Variants in ABCC4 observed in about 807,000 individuals in gnomAD.
ABCC4 encodes the protein ATP-binding cassette sub-family C member 4.
Under a neutral mutation model 168.5 loss-of-function variants are expected in ABCC4, and 102 were observed. That is an observed-to-expected ratio of 0.61 (90% CI 0.52 to 0.71). The LOEUF is 0.71. ABCC4 is among the 30% of genes least tolerant of loss of function. The pLI is 0.00. For missense variants in ABCC4, 1,402 were observed against 1,605.8 expected, an observed-to-expected ratio of 0.87 and a Z score of 2.17; for synonymous variants, 617 against 590.7, an observed-to-expected ratio of 1.04 and a Z score of -0.65.
intron 4 of ABCC4, among the ~76,000 whole-genome samples, chr13:95,214,005 A>G (rs2039039102): frequency 6.6e-6 from 1 of 152,238 alleles, no homozygotes; most frequent in Admixed American, 6.5e-5. Context: ...AACAACAACT[A>G]TGAAGCACCT....
chr13:95,282,685 C>T (rs1225371955), intron 1 of ABCC4, among the ~76,000 whole-genome samples: 1 of 151,794 alleles, frequency 6.6e-6, no homozygotes, highest in Non-Finnish European at 1.5e-5. Context: ...CAGGTGCACG[C>T]CATCATGCCT....
chr13:95,176,215 G>T, intron 13 of ABCC4, among the ~76,000 whole-genome samples: 1 of 59,300 alleles, frequency 1.7e-5, no homozygotes, highest in Non-Finnish European at 3.8e-5. Context: ...ACTCCAGGAA[G>T]CCGAGGGCAG....
chr13:95,088,788 T>G (rs577252633), intron 20 of ABCC4, among the ~76,000 whole-genome samples: 1 of 151,474 alleles, frequency 6.6e-6, no homozygotes, highest in Non-Finnish European at 1.5e-5. Context: ...AAATATACCT[T>G]ACAAAGATAG....
chr13:95,222,249 G>A (rs948063925), intron 4 of ABCC4, among the ~76,000 whole-genome samples: 2 of 152,186 alleles, frequency 1.3e-5, no homozygotes, highest in African/African-American at 4.8e-5. Context: ...GAGAGACTGG[G>A]CTCTGGCCAC....
At chr13:95,047,248 C>G (rs7988112) in intron 27 of ABCC4, among the ~76,000 whole-genome samples, 2 of 152,170 alleles carry the variant, frequency 1.3e-5, no homozygotes, top group African/African-American at 4.8e-5. Flanking sequence ...GCTCTGCCAA[C>G]TGGGCAAGTT....
chr13:95,239,510 A>G (rs957520417), intron 3 of ABCC4, among the ~76,000 whole-genome samples: 1 of 152,226 alleles, frequency 6.6e-6, no homozygotes, highest in Non-Finnish European at 1.5e-5. Flanking sequence ...CATACCAGAA[A>G]ATGAGGAAGT....
intron 20 of ABCC4, among the ~76,000 whole-genome samples, chr13:95,106,016 G>A (rs760791531): frequency 3.3e-5 from 5 of 152,158 alleles, no homozygotes; most frequent in East Asian, 1.9e-4. Context: ...TGGGAATAAC[G>A]TCTCTAAAGG....
At chr13:95,062,671 A>T (rs781624092) in intron 26 of ABCC4, 33 bp downstream of exon 26, 3 of 1,572,014 alleles carry the variant, frequency 1.9e-6, no homozygotes, top group Non-Finnish European at 2.6e-6. Context: ...GCTCTTATAA[A>T]AGGGGCAGGT....
chr13:95,300,601 G>A (rs2041649921), intron 1 of ABCC4, among the ~76,000 whole-genome samples: 1 of 152,198 alleles, frequency 6.6e-6, no homozygotes, highest in Non-Finnish European at 1.5e-5. Flanking sequence ...CCTGGTCACT[G>A]AGACAAAAGA....
At chr13:95,040,380 C>T (rs1470990864) in intron 29 of ABCC4, among the ~76,000 whole-genome samples, 5 of 152,196 alleles carry the variant, frequency 3.3e-5, no homozygotes, top group South Asian at 4.2e-4. Context: ...TACAGGCACA[C>T]GGCACCACGC....
rs568855284 is a variant in ABCC4 at position 95,166,242 on chromosome 13, C to T, written c.1950G>A (p.Arg650=). 9 of 1,614,112 alleles carry T rather than the reference C, an allele frequency of 5.6e-6. No individual in the cohort carries two copies. In the South Asian group the frequency reaches 8.8e-5, roughly 16 times the overall value. Residue 650 remains arginine (R), a synonymous_variant, in exon 15 of 31, where the codon AGG becomes AGA. Transcript: ENST00000645237. ...CCGAAGACTCTGAGAAGGTACGATTCCTTAGTGTGGGAGTTCCTGGAACTG... is the reference window on the plus strand; with the variant it reads ...CCGAAGACTCTGAGAAGGTACGATTTCTTAGTGTGGGAGTTCCTGGAACTG... ...QPPVPGTPTL[R]NRTFSESSVW... is the part of the protein sequence containing the mutation.
chr13:95,021,569 T>G lies in ABCC4; in HGVS notation c.*6A>C. 6.3e-7 allele frequency: 1 copy of G among 1,589,648 alleles called. No individual in the cohort carries two copies. The highest frequency in any genetic ancestry group is 8.6e-7 in the Non-Finnish European group (1 of 1,158,874). On this transcript the variant is annotated 3_prime_UTR_variant, in exon 31 of 31. Coordinates refer to ENST00000645237, the MANE Select transcript of ABCC4 (RefSeq NM_005845.5). ...CTTCGGAACGGACTTGACATTTTGG[T>G]TGGATTCACAGTGCTGTCTCGAAAA...
At chr13:95,271,332 T>C (rs1243594251) in intron 1 of ABCC4, among the ~76,000 whole-genome samples, 1 of 151,954 alleles carries the variant, frequency 6.6e-6, no homozygotes, top group Non-Finnish European at 1.5e-5. Context: ...CCACCCTGAG[T>C]CAGAGACAGG....
chr13:95,225,246 C>T (rs545392258), intron 4 of ABCC4, among the ~76,000 whole-genome samples: 1 of 151,810 alleles, frequency 6.6e-6, no homozygotes, highest in African/African-American at 2.4e-5. Context: ...ATCTAAATAG[C>T]TATCCTAAGG....
chr13:95,208,052 G>A, intron 6 of ABCC4, 127 bp from the exon 7 acceptor site: 2 of 941,958 alleles, frequency 2.1e-6, no homozygotes, highest in South Asian at 3.8e-5. Flanking sequence ...AACACAGACA[G>A]GTCCTACTCA....
chr13:95,217,770 C>T (rs2039163542), intron 4 of ABCC4, among the ~76,000 whole-genome samples: 1 of 152,042 alleles, frequency 6.6e-6, no homozygotes, highest in African/African-American at 2.4e-5. Flanking sequence ...ATGCAAACCG[C>T]AGTTCATCAC....
At chr13:95,042,204 C>T (rs2032390922) in intron 29 of ABCC4, among the ~76,000 whole-genome samples, 1 of 152,184 alleles carries the variant, frequency 6.6e-6, no homozygotes, top group Non-Finnish European at 1.5e-5. Flanking sequence ...TCCGGGTCTT[C>T]CTCATTCATC....
intron 26 of ABCC4, among the ~76,000 whole-genome samples, chr13:95,061,461 G>A (rs9561778): frequency 1.4e-3 from 217 of 152,000 alleles, no homozygotes; most frequent in African/African-American, 4.7e-3. Context: ...CTTCCCTTCC[G>A]GTGGCACGTT....
At chr13:95,198,425 T>A (rs948295073) in intron 8 of ABCC4, among the ~76,000 whole-genome samples, 1 of 152,142 alleles carries the variant, frequency 6.6e-6, no homozygotes, top group Non-Finnish European at 1.5e-5. Context: ...CTCACACCAG[T>A]TAGAATGGTG....
Sources: gnomAD v4.1 joint callset for allele counts (sites outside exome capture counted in the v4.1 genomes callset) on GRCh38, gnomAD v4.1.1 for gene constraint, MANE v1.5 for transcripts, NCBI Gene and HGNC (gene_info 2026-07-23, HGNC 2026-07-21) for gene names.